Variants in HTR1E observed in about 807,000 individuals in gnomAD.
The protein encoded by HTR1E is 5-hydroxytryptamine receptor 1E, also known as 5-HT-1E.
A neutral mutation model predicts 3.4 loss-of-function variants in HTR1E; 3 were observed. The ratio of observed to expected loss-of-function variants is 0.89; its 90% CI spans 0.41 to 2.31. The LOEUF is 2.31. HTR1E is among the 30% of genes most tolerant of loss of function. The probability of loss-of-function intolerance (pLI) is 0.05; values close to 1 mark genes in which losing one functional copy is unlikely to be tolerated. For missense variants in HTR1E, 392 were observed against 467.0 expected (o/e 0.84, Z 1.48); for synonymous variants, 170 against 182.8 (o/e 0.93, Z 0.56).
At chr6:87,000,779 T>G (rs1311537155) in intron 1 of HTR1E, among the ~76,000 whole-genome samples, 1 of 152,150 alleles carries the variant, frequency 6.6e-6, no homozygotes, top group Non-Finnish European at 1.5e-5. Flanking sequence ...AGGGGGACAT[T>G]AATGAGCAAT....
intron 1 of HTR1E, among the ~76,000 whole-genome samples, chr6:86,959,188 G>T (rs1398392765): frequency 6.6e-6 from 1 of 152,000 alleles, no homozygotes; most frequent in Non-Finnish European, 1.5e-5. Flanking sequence ...CAACTGATTG[G>T]ATGAGGCCTA....
At chr6:86,998,936 G>A (rs1259773054) in intron 1 of HTR1E, among the ~76,000 whole-genome samples, 2 of 151,942 alleles carry the variant, frequency 1.3e-5, no homozygotes, top group Admixed American at 1.3e-4. Flanking sequence ...TTGTTTTGGG[G>A]GGGTTGTTTT....
intron 1 of HTR1E, among the ~76,000 whole-genome samples, chr6:86,951,020 T>C (rs1044124519): frequency 3.7e-4 from 56 of 152,176 alleles, no homozygotes; most frequent in African/African-American, 1.3e-3. Flanking sequence ...TCAGCACCAT[T>C]TGGGGAGGAG....
intron 1 of HTR1E, among the ~76,000 whole-genome samples, chr6:87,008,402 A>C (rs1056398228): frequency 1.3e-5 from 2 of 152,244 alleles, no homozygotes; most frequent in Middle Eastern, 6.3e-3. Flanking sequence ...ATAATAAAAA[A>C]AAGAAGAAAT....
At chr6:86,955,986 A>G (rs1414409375) in intron 1 of HTR1E, among the ~76,000 whole-genome samples, 2 of 149,992 alleles carry the variant, frequency 1.3e-5, no homozygotes, top group Non-Finnish European at 2.9e-5. Context: ...GGGGGATTAG[A>G]CACACCTCAT....
chr6:86,975,918 GAC>G (rs57513474), intron 1 of HTR1E, among the ~76,000 whole-genome samples: 25,651 of 143,714 alleles, frequency 0.18, 2,206 homozygotes, highest in Middle Eastern at 0.31. Flanking sequence ...CTCTCTCTGA[GAC>G]ACACACACAC....
Position 87,015,976 on chromosome 6 carries a change from G to C in HTR1E, c.642G>C (p.Gln214His). 2 of 1,614,214 alleles carry C rather than the reference G, an allele frequency of 1.2e-6. No homozygotes were observed. Among genetic ancestry groups the C allele is most frequent in the Non-Finnish European group, 1.7e-6 (2 of 1,180,048 alleles). Reference protein sequence around the residue: ...RIYHAAKSLYQKRGSSRHLSN... With the variant: ...RIYHAAKSLYHKRGSSRHLSN... The stretch of plus-strand genomic sequence containing the variant: ...ACCACGCGGCCAAGAGCCTTTACCA[G>C]AAAAGGGGATCAAGTCGGCACTTAA... Residue 214 changes from glutamine to histidine, a missense_variant, in exon 2 of 2, where the codon CAG becomes CAC. Transcript: ENST00000305344.
intron 1 of HTR1E, among the ~76,000 whole-genome samples, chr6:86,971,350 T>G (rs1767553005): frequency 6.6e-6 from 1 of 151,502 alleles, no homozygotes; most frequent in Non-Finnish European, 1.5e-5. Flanking sequence ...GTAGCCTCAC[T>G]GTTCTTCAGA....
chr6:86,989,183 T>G (rs1051857822), intron 1 of HTR1E, among the ~76,000 whole-genome samples: 2 of 152,164 alleles, frequency 1.3e-5, no homozygotes, highest in Admixed American at 1.3e-4. Flanking sequence ...GACACCACAC[T>G]GCCTCCCAGA....
intron 1 of HTR1E, among the ~76,000 whole-genome samples, chr6:87,009,592 G>A (rs1308781671): frequency 6.7e-6 from 1 of 149,046 alleles, no homozygotes; most frequent in Non-Finnish European, 1.5e-5. Context: ...CTCCCAGACG[G>A]GGTGGTGGCC....
At chr6:86,949,921 C>G (rs192471730) in intron 1 of HTR1E, among the ~76,000 whole-genome samples, 1 of 152,188 alleles carries the variant, frequency 6.6e-6, no homozygotes, top group African/African-American at 2.4e-5. Flanking sequence ...GCTCCCGTTA[C>G]CTAACCAAGC....
chr6:86,958,030 G>T (rs1171278363), intron 1 of HTR1E, among the ~76,000 whole-genome samples: 1 of 151,556 alleles, frequency 6.6e-6, no homozygotes, highest in Non-Finnish European at 1.5e-5. Flanking sequence ...GTGGGCAGGA[G>T]GCATGCATTC....
At chr6:86,993,056 A>G (rs1472658495) in intron 1 of HTR1E, among the ~76,000 whole-genome samples, 2 of 152,088 alleles carry the variant, frequency 1.3e-5, no homozygotes, top group Non-Finnish European at 2.9e-5. Flanking sequence ...GGAGATTAAG[A>G]GCACATTAAA....
At chr6:86,965,723 C>T (rs1767463355) in intron 1 of HTR1E, among the ~76,000 whole-genome samples, 1 of 152,056 alleles carries the variant, frequency 6.6e-6, no homozygotes, top group African/African-American at 2.4e-5. Context: ...AATATATGGT[C>T]TTCCTTATTC....
Position 87,016,572 on chromosome 6 carries a change from G to A in HTR1E, c.*140G>A, listed in dbSNP as rs542354536. 1.9e-5 allele frequency: 13 copies of A among 694,068 alleles called. No homozygotes were observed. The highest frequency in any genetic ancestry group is 3.0e-5 in the Non-Finnish European group (13 of 435,536). 43.0% of individuals were successfully genotyped at this position (694,068 alleles called of 1,614,324 possible). A position where few individuals can be genotyped will look rare whatever the true frequency, so the allele number is the denominator to read the frequency against. On this transcript the variant is annotated 3_prime_UTR_variant, in exon 2 of 2. Transcript: ENST00000305344. ...TGTGGTCTTGTTTCCTTGTTTGTTT[G>A]TTTGTTTTGTTCTGTTTTGTTTGAG...
chr6:86,950,249 G>C (rs1767217262), intron 1 of HTR1E, among the ~76,000 whole-genome samples: 1 of 151,960 alleles, frequency 6.6e-6, no homozygotes, highest in Non-Finnish European at 1.5e-5. Context: ...TCACATCCAG[G>C]CTGCCTTTCA....
At position 86,937,544 on chromosome 6, in the gene HTR1E, C is replaced by G. The variant is rs1349576638; in HGVS notation, c.-465C>G. The G allele has an allele frequency of 1.3e-5, 2 of 152,876 alleles. No homozygotes were observed. The highest frequency in any genetic ancestry group is 2.9e-5 in the Non-Finnish European group (2 of 68,434). 9.5% of individuals were successfully genotyped at this position (152,876 alleles called of 1,614,324 possible). On this transcript the variant is annotated 5_prime_UTR_variant, in exon 1 of 2. Transcript: ENST00000305344. The stretch of plus-strand genomic sequence containing the variant: ...TCCTCTTCCAGTCCAGGCGCCCAGA[C>G]TCGGCGAAGCGCAGCGCCTGCCACC...
At chr6:87,010,130 G>A (rs1768188408) in intron 1 of HTR1E, among the ~76,000 whole-genome samples, 1 of 132,050 alleles carries the variant, frequency 7.6e-6, no homozygotes. Context: ...CCCAGTAGGG[G>A]CGGCCGGGCA....
chr6:86,955,723 TGAGA>T lies in HTR1E; in HGVS notation c.-186+17906_-186+17909del, dbSNP rs535352666. On this transcript the variant is annotated intron_variant, in intron 1 of 1. Coordinates refer to ENST00000305344, the MANE Select transcript of HTR1E (RefSeq NM_000865.3). Reference sequence around the variant, plus strand: ...AATGCTATGTGTAGGCTTGAGTGAGTGAGAGAGAGTGTGTGTGTGTGTATGTATG... The same window carrying T: ...AATGCTATGTGTAGGCTTGAGTGAGTGAGAGTGTGTGTGTGTGTATGTATG... Among the ~76,000 whole-genome samples, 119 of 139,046 alleles carry T rather than the reference TGAGA, an allele frequency of 8.6e-4. 1 individual carries two copies. The highest frequency in any genetic ancestry group is 7.2e-3 in the Middle Eastern group (2 of 276). 91.2% of individuals were successfully genotyped at this position (139,046 alleles called of 152,430 possible). A position where few individuals can be genotyped will look rare whatever the true frequency, so the allele number is the denominator to read the frequency against.
Sources: allele counts gnomAD v4.1 joint callset (sites outside exome capture counted in the v4.1 genomes callset), GRCh38; gene constraint gnomAD v4.1.1; transcripts MANE v1.5; gene names NCBI Gene and HGNC (gene_info 2026-07-23, HGNC 2026-07-21).